Variants in SLC4A8 observed in about 807,000 individuals in gnomAD.
The protein encoded by SLC4A8 is electroneutral sodium bicarbonate exchanger 1.
SLC4A8 carries 40 observed loss-of-function variants against 125.0 expected under a neutral mutation model. That is an observed-to-expected ratio of 0.32 (90% CI 0.25 to 0.42). SLC4A8 has a LOEUF of 0.42. Ranked by LOEUF, SLC4A8 falls within the 10% of genes least tolerant of loss-of-function variation. The pLI is 1.00. For missense variants in SLC4A8, 863 were observed against 1,355.1 expected (o/e 0.64, Z 5.70); for synonymous variants, 456 against 476.0 (o/e 0.96, Z 0.55).
At chr12:51,465,954 A>C (rs1376811171) in intron 11 of SLC4A8, among the ~76,000 whole-genome samples, 2 of 152,216 alleles carry the variant, frequency 1.3e-5, no homozygotes, top group Non-Finnish European at 2.9e-5. Flanking sequence ...TTTTCGGACT[A>C]TTAGTTGTGT....
chr12:51,511,307 A>G lies in SLC4A8; in HGVS notation c.*3869A>G, dbSNP rs1230182460. ...CACGTAGGGAAACCACATGGGACTG[A>G]TAGCTTTCTCAAGGGATCTCCAAGC... On this transcript the variant is annotated 3_prime_UTR_variant, in exon 25 of 25. Coordinates refer to ENST00000453097, the MANE Select transcript of SLC4A8 (RefSeq NM_001039960.3). The G allele has an allele frequency of 6.6e-6, 1 of 152,216 alleles. No homozygotes were observed. The highest frequency in any genetic ancestry group is 2.4e-5 in the African/African-American group (1 of 41,444). 9.4% of individuals were successfully genotyped at this position (152,216 alleles called of 1,614,324 possible).
intron 1 of SLC4A8, among the ~76,000 whole-genome samples, chr12:51,402,840 G>A (rs527474062): frequency 6.6e-6 from 1 of 152,284 alleles, no homozygotes; most frequent in Admixed American, 6.5e-5. Flanking sequence ...CCAGTGATGG[G>A]CAAAGACGGG....
intron 1 of SLC4A8, among the ~76,000 whole-genome samples, chr12:51,435,276 T>G (rs1309635445): frequency 1.3e-5 from 2 of 152,164 alleles, no homozygotes; most frequent in Non-Finnish European, 2.9e-5. Context: ...GCAAAATGAT[T>G]TTGTTCCATC....
At position 51,458,664 on chromosome 12, in the gene SLC4A8, T is replaced by C. The variant is rs1291270505; in HGVS notation, c.855+14T>C. On this transcript the variant is annotated intron_variant, in intron 7 of 24. Coordinates refer to ENST00000453097, the MANE Select transcript of SLC4A8 (RefSeq NM_001039960.3). ...GATTTAAGCAAGGTGAGCAGAGTGGTGGGAAGTTGGCTTCAAGGCCTAAGG... is the reference window on the plus strand; with the variant it reads ...GATTTAAGCAAGGTGAGCAGAGTGGCGGGAAGTTGGCTTCAAGGCCTAAGG... 1 of 1,590,604 alleles carries C rather than the reference T, an allele frequency of 6.3e-7. No homozygotes were observed. Among genetic ancestry groups the C allele is most frequent in the Non-Finnish European group, 8.6e-7 (1 of 1,158,810 alleles).
intron 1 of SLC4A8, among the ~76,000 whole-genome samples, chr12:51,429,855 A>G (rs953050297): frequency 6.6e-6 from 1 of 151,720 alleles, no homozygotes; most frequent in African/African-American, 2.4e-5. Flanking sequence ...GGGGGTAGTA[A>G]TAGAGGAAGG....
At chr12:51,405,507 A>G (rs1948468230) in intron 1 of SLC4A8, among the ~76,000 whole-genome samples, 1 of 152,216 alleles carries the variant, frequency 6.6e-6, no homozygotes, top group Admixed American at 6.5e-5. Context: ...CCACCATTAT[A>G]TATAAATAAT....
rs571021467 is a variant in SLC4A8, at chr12:51,474,374, A to G, written c.1937A>G (p.Asn646Ser). ...CRCTLPENPN[N>S]HTLQYWKDHN... ...TGTACTCTGCCAGAGAATCCAAACA[A>G]TCACACCCTCCAGTACTGGAAGGAC... is the stretch of plus-strand genomic sequence containing the variant. The change falls in exon 15 of 25, where the codon AAT becomes AGT. Residue 646 changes from asparagine (N) to serine (S), a missense_variant. This residue lies in a region of SLC4A8 where 76 missense variants were observed against 80.2 expected (regional missense o/e 0.95). Transcript: ENST00000453097. The G allele has an allele frequency of 2.5e-6, 4 of 1,600,930 alleles. No individual in the cohort carries two copies. In the East Asian group the frequency reaches 9.0e-5, roughly 36 times the overall value.
chr12:51,451,586 C>T (rs111240192), intron 3 of SLC4A8, among the ~76,000 whole-genome samples: 51 of 152,140 alleles, frequency 3.4e-4, no homozygotes, highest in African/African-American at 1.2e-3. Flanking sequence ...TGCAAACACA[C>T]AGACTTTTTG....
Position 51,485,787 on chromosome 12 carries a change from G to A in SLC4A8, c.2173G>A (p.Val725Ile). 6.3e-7 allele frequency: 1 copy of A among 1,587,454 alleles called. No homozygotes were observed. The highest frequency in any genetic ancestry group is 8.7e-7 in the Non-Finnish European group (1 of 1,155,960). ...FKTSRYFPTR[V>I]RSMVSDFAVF... ...TGTGTCCACTTCTTTCTCATGCCAG[G>A]TACGCTCCATGGTGAGTGACTTTGC... Residue 725 changes from valine to isoleucine, a missense_variant and splice_region_variant, in exon 17 of 25, where the codon GTA becomes ATA. Physicochemically the swap from Val to Ile is conservative, Grantham distance 29. Transcript: ENST00000453097.
rs1950358394 is a variant in SLC4A8 at position 51,462,408 on chromosome 12, G to A, written c.1200G>A (p.Glu400=). The change falls in exon 10 of 25, where the codon GAG becomes GAA. Residue 400 remains glutamate (E), a synonymous_variant. Coordinates refer to ENST00000453097, the MANE Select transcript of SLC4A8 (RefSeq NM_001039960.3). ...AGGTGACGGTGCTCCCTCCAGGAGA[G>A]TGGGATCCCTCCATTAGAATTGAGC... ...LDQVTVLPPG[E]WDPSIRIEPP... is the part of the protein sequence containing the mutation. 2.5e-6 allele frequency: 4 copies of A among 1,603,128 alleles called. No homozygotes were observed. The South Asian group carries it at 4.5e-5, about 18-fold the overall frequency.
intron 1 of SLC4A8, among the ~76,000 whole-genome samples, chr12:51,415,020 T>C (rs1948659046): frequency 1.3e-5 from 2 of 152,238 alleles, no homozygotes; most frequent in African/African-American, 2.4e-5. Context: ...TTGATTATGA[T>C]GCAGTATCTT....
intron 16 of SLC4A8, among the ~76,000 whole-genome samples, chr12:51,476,922 T>C (rs772361597): frequency 6.6e-6 from 1 of 150,528 alleles, no homozygotes; most frequent in Non-Finnish European, 1.5e-5. Flanking sequence ...TTTTTTTTTT[T>C]TCTGAGATGG....
chr12:51,394,247 C>T (rs530334254), intron 1 of SLC4A8, among the ~76,000 whole-genome samples: 5 of 152,356 alleles, frequency 3.3e-5, no homozygotes, highest in Admixed American at 2.0e-4. Flanking sequence ...TTGTGTGTTT[C>T]GCATTCCGGA....
rs1483631337 is a variant in SLC4A8 at position 51,471,290 on chromosome 12, C to CTATG, written c.1663_1666dup (p.Ala556ValfsTer27). Reference sequence around the variant, plus strand: ...ATGAACTTTGGTCTTGTTTCAGAGACTATGCTCTTTCATACCTCTCCCTGC... The same window carrying CTATG: ...ATGAACTTTGGTCTTGTTTCAGAGACTATGTATGCTCTTTCATACCTCTCCCTGC... On this transcript the variant is annotated frameshift_variant, in exon 14 of 25. Coordinates refer to ENST00000453097, the MANE Select transcript of SLC4A8 (RefSeq NM_001039960.3). LOFTEE classifies it high-confidence loss of function. 6.2e-7 allele frequency: 1 copy of CTATG among 1,610,584 alleles called. No homozygotes were observed. Among genetic ancestry groups the CTATG allele is most frequent in the Non-Finnish European group, 8.5e-7 (1 of 1,179,744 alleles).
At position 51,513,049 on chromosome 12, in the gene SLC4A8, G is replaced by A. The variant is rs1938420626; in HGVS notation, c.*5611G>A. The A allele has an allele frequency of 6.6e-6, 1 of 152,232 alleles. No homozygotes were observed. The highest frequency in any genetic ancestry group is 2.1e-4 in the South Asian group (1 of 4,824). 9.4% of individuals were successfully genotyped at this position (152,232 alleles called of 1,614,324 possible). A position where few individuals can be genotyped will look rare whatever the true frequency, so the allele number is the denominator to read the frequency against. On this transcript the variant is annotated 3_prime_UTR_variant, in exon 25 of 25. Coordinates refer to ENST00000453097, the MANE Select transcript of SLC4A8 (RefSeq NM_001039960.3). ...TGATAAGCTTGTGGTATAGAGGTAG[G>A]AAGGGAGGGAGGCCAGAGATTAGAT... is the stretch of plus-strand genomic sequence containing the variant.
Position 51,493,773 on chromosome 12 carries a change from G to T in SLC4A8, c.2769+1G>T. ...AGTTTCTTCACTACAGGGAATTCAG[G>T]TATTGTATGGTTCAGCCAGGGCAGT... On this transcript the variant is annotated splice_donor_variant, in intron 20 of 24. Coordinates refer to ENST00000453097, the MANE Select transcript of SLC4A8 (RefSeq NM_001039960.3). LOFTEE classifies it high-confidence loss of function. 6.3e-7 allele frequency: 1 copy of T among 1,588,610 alleles called. No homozygotes were observed. Among genetic ancestry groups the T allele is most frequent in the Non-Finnish European group, 8.6e-7 (1 of 1,156,730 alleles).
intron 22 of SLC4A8, 40 bp downstream of exon 22, chr12:51,497,164 A>G: frequency 6.3e-7 from 1 of 1,580,540 alleles, no homozygotes. Context: ...GGGGGCCTCA[A>G]ATTACAGAAC....
intron 16 of SLC4A8, among the ~76,000 whole-genome samples, chr12:51,476,687 C>T (rs1301155035): frequency 6.6e-6 from 1 of 152,050 alleles, no homozygotes; most frequent in Non-Finnish European, 1.5e-5. Flanking sequence ...GCTCCCAGTC[C>T]TCTATTGGGG....
intron 14 of SLC4A8, among the ~76,000 whole-genome samples, chr12:51,472,367 G>A (rs561934793): frequency 9.2e-5 from 14 of 152,220 alleles, no homozygotes; most frequent in African/African-American, 3.1e-4. Context: ...GCGGACCAGC[G>A]ACAGATACAC....
Sources: allele counts gnomAD v4.1 joint callset (sites outside exome capture counted in the v4.1 genomes callset), GRCh38; gene constraint gnomAD v4.1.1; regional missense constraint gnomAD v4.1.1; transcripts MANE v1.5; gene names NCBI Gene and HGNC (gene_info 2026-07-23, HGNC 2026-07-21).